Variants in VDAC1 observed in about 807,000 individuals in gnomAD.
The protein encoded by VDAC1 is non-selective voltage-gated ion channel VDAC1.
In VDAC1, 10 loss-of-function variants were observed where a neutral mutation model predicts 34.7. The ratio of observed to expected loss-of-function variants is 0.29; its 90% CI spans 0.18 to 0.49. VDAC1 has a LOEUF of 0.49. Ranked by LOEUF, VDAC1 falls within the 20% of genes least tolerant of loss-of-function variation. The pLI is 0.99. For missense variants in VDAC1, 230 were observed against 347.9 expected, an observed-to-expected ratio of 0.66 and a Z score of 2.69; for synonymous variants, 130 against 136.0, an observed-to-expected ratio of 0.96 and a Z score of 0.30.
chr5:133,982,689 A>G (rs1183711493), intron 5 of VDAC1, among the ~76,000 whole-genome samples: 2 of 152,264 alleles, frequency 1.3e-5, no homozygotes, highest in Admixed American at 1.3e-4. Flanking sequence ...CAGGAGTTCA[A>G]GGCCAGCCTG....
chr5:134,012,078 GAA>G, the VDAC1 span, among the ~76,000 whole-genome samples: 1 of 152,136 alleles, frequency 6.6e-6, no homozygotes, highest in Non-Finnish European at 1.5e-5. Flanking sequence ...AAAGAAGAAA[GAA>G]AGAGAGAGAT....
the VDAC1 span, among the ~76,000 whole-genome samples, chr5:134,034,251 G>A: frequency 6.6e-6 from 1 of 152,134 alleles, no homozygotes; most frequent in Admixed American, 6.5e-5. Context: ...ATATCGGCTA[G>A]CAATTTGAAG....
At chr5:134,019,774 CTG>C in the VDAC1 span, among the ~76,000 whole-genome samples, 2 of 152,178 alleles carry the variant, frequency 1.3e-5, no homozygotes, top group Non-Finnish European at 2.9e-5. Flanking sequence ...TCCTGGCTGA[CTG>C]AGGCCTGGTA....
chr5:134,003,614 C>A (rs1442406327), intron 1 of VDAC1, among the ~76,000 whole-genome samples: 1 of 150,520 alleles, frequency 6.6e-6, no homozygotes, highest in Non-Finnish European at 1.5e-5. Context: ...CCTTCCACAA[C>A]GCCACGTGTA....
the VDAC1 span, among the ~76,000 whole-genome samples, chr5:134,043,056 G>A: frequency 2.4e-4 from 36 of 152,330 alleles, no homozygotes; most frequent in South Asian, 7.5e-3. Context: ...ATCCAGGGAG[G>A]TCCAACTGAT....
At chr5:134,043,678 G>T in the VDAC1 span, among the ~76,000 whole-genome samples, 157 of 151,876 alleles carry the variant, frequency 1.0e-3, no homozygotes, top group African/African-American at 3.7e-3. Context: ...ACTTACAGTT[G>T]TGCACCACCA....
chr5:134,019,735 G>A, the VDAC1 span, among the ~76,000 whole-genome samples: 14 of 152,012 alleles, frequency 9.2e-5, no homozygotes, highest in African/African-American at 2.9e-4. Context: ...CATCACATAC[G>A]CACATGCACC....
chr5:134,029,959 A>G, the VDAC1 span, among the ~76,000 whole-genome samples: 2 of 152,132 alleles, frequency 1.3e-5, no homozygotes, highest in Non-Finnish European at 2.9e-5. Context: ...GTAAAATGTA[A>G]CCCCTTGGGA....
At chr5:134,053,806 A>G in the VDAC1 span, among the ~76,000 whole-genome samples, 9 of 152,300 alleles carry the variant, frequency 5.9e-5, no homozygotes, top group South Asian at 2.1e-4. Flanking sequence ...CCACAAGTCA[A>G]CAAGTCAGAA....
the VDAC1 span, among the ~76,000 whole-genome samples, chr5:134,068,966 CTGTGTGTGTGTGTGTG>C: frequency 8.2e-3 from 1,121 of 136,694 alleles, 14 homozygotes; most frequent in African/African-American, 0.029. Flanking sequence ...TGGGAGGTGA[CTGTGTGTGTGTGTGTG>C]TGTGTGTGTG....
At chr5:133,979,397 C>T (rs1296729604) in intron 6 of VDAC1, among the ~76,000 whole-genome samples, 4 of 141,838 alleles carry the variant, frequency 2.8e-5, no homozygotes, top group Non-Finnish European at 6.1e-5. Flanking sequence ...CTTAATTAAA[C>T]ATATAATAAA....
chr5:134,108,575 G>A, the VDAC1 span, among the ~76,000 whole-genome samples: 1 of 152,182 alleles, frequency 6.6e-6, no homozygotes, highest in Non-Finnish European at 1.5e-5. Flanking sequence ...TTTCCTCGGG[G>A]CACTGAGCCA....
At chr5:134,108,163 A>G in the VDAC1 span, among the ~76,000 whole-genome samples, 1 of 152,102 alleles carries the variant, frequency 6.6e-6, no homozygotes, top group Non-Finnish European at 1.5e-5. Flanking sequence ...ATGGGCCTTA[A>G]AAAGAAAAAG....
chr5:133,986,901 G>A (rs534741501), intron 5 of VDAC1, among the ~76,000 whole-genome samples: 65 of 152,304 alleles, frequency 4.3e-4, no homozygotes, highest in Admixed American at 1.8e-3. Flanking sequence ...CAACTTGAGC[G>A]ACAAAATAAA....
At chr5:134,090,785 C>G in the VDAC1 span, among the ~76,000 whole-genome samples, 2 of 152,256 alleles carry the variant, frequency 1.3e-5, no homozygotes, top group Admixed American at 6.5e-5. Context: ...TTCCTTCAGG[C>G]TTTGATCTCC....
chr5:134,089,730 C>T, the VDAC1 span, among the ~76,000 whole-genome samples: 1 of 152,090 alleles, frequency 6.6e-6, no homozygotes, highest in African/African-American at 2.4e-5. Flanking sequence ...TGGCTCATGC[C>T]TGTAATCCCA....
the VDAC1 span, among the ~76,000 whole-genome samples, chr5:134,084,684 T>C: frequency 3.3e-5 from 5 of 152,388 alleles, no homozygotes; most frequent in Admixed American, 6.5e-5. Flanking sequence ...ATGGCAGGCC[T>C]GCCTGCCTTC....
the VDAC1 span, among the ~76,000 whole-genome samples, chr5:134,011,558 T>C: frequency 6.6e-6 from 1 of 152,042 alleles, no homozygotes; most frequent in Non-Finnish European, 1.5e-5. Flanking sequence ...ATCATACAGA[T>C]GTTACGGATC....
At chr5:134,020,691 T>TG in the VDAC1 span, among the ~76,000 whole-genome samples, 3 of 146,442 alleles carry the variant, frequency 2.0e-5, no homozygotes, top group Non-Finnish European at 3.0e-5. Flanking sequence ...TTTGTTTGTT[T>TG]TTTGAGGTGG....
Sources: allele counts gnomAD v4.1 joint callset (sites outside exome capture counted in the v4.1 genomes callset), GRCh38; gene constraint gnomAD v4.1.1; transcripts MANE v1.5; gene names NCBI Gene and HGNC (gene_info 2026-07-23, HGNC 2026-07-21).